The following MAP3K6 variants were observed in gnomAD, a reference collection of about 807,000 sequenced individuals.
MAP3K6 encodes the protein apoptosis signal-regulating kinase 2.
MAP3K6 carries 105 observed loss-of-function variants against 147.1 expected under a neutral mutation model. The observed-to-expected ratio is 0.71, with a 90% CI of 0.61 to 0.84. The LOEUF (loss-of-function observed/expected upper bound fraction) is 0.84. MAP3K6 is among the 40% of genes least tolerant of loss of function. The probability of loss-of-function intolerance (pLI) is 0.00; values close to 1 mark genes in which losing one functional copy is unlikely to be tolerated. For missense variants in MAP3K6, 1,569 were observed against 1,715.0 expected, an observed-to-expected ratio of 0.91 and a Z score of 1.50; for synonymous variants, 695 against 732.4, an observed-to-expected ratio of 0.95 and a Z score of 0.82.
At chr1:27,355,979 G>A (rs759303554) in intron 27 of MAP3K6, 47 bp downstream of exon 27, 3 of 1,557,876 alleles carry the variant, frequency 1.9e-6, no homozygotes, top group Admixed American at 3.3e-5. Flanking sequence ...CAGAGATGGA[G>A]GCTTTGGCTG....
chr1:27,355,706 A>C lies in MAP3K6; in HGVS notation c.3751T>G (p.Tyr1251Asp), dbSNP rs766148863. Residue 1251 changes from tyrosine (Y) to aspartate (D), a missense_variant, in exon 28 of 29, where the codon TAT becomes GAT. Physicochemically the swap from Tyr to Asp is radical, Grantham distance 160. Transcript: ENST00000357582. ...HSFTLHTLLT[Y>D]ATRDDLIYTR... ...TAGATGAGGTCATCTCGAGTGGCAT[A>C]GGTGAGCAGAGTGTGGAGGGTGAAG... is the stretch of plus-strand genomic sequence containing the variant. 7 of 1,611,588 alleles carry C rather than the reference A, an allele frequency of 4.3e-6. No individual in the cohort carries two copies. The East Asian group carries it at 1.3e-4, about 31-fold the overall frequency.
rs2015763929 is a variant in MAP3K6, at chr1:27,361,388, G to A, written c.1694C>T (p.Pro565Leu). ...SLLEPETQDI[P>L]SSWTFPVASI... is the part of the protein sequence containing the mutation. ...GGCGACTGGGAAGGTCCAGCTGGAG[G>A]GAATGTCCTGCAAGAAGAAATGGGG... The change falls in exon 12 of 29, where the codon CCC becomes CTC. Residue 565 changes from proline (P) to leucine (L), a missense_variant. Pro to Leu is a moderately conservative substitution (Grantham distance 98). Coordinates refer to ENST00000357582, the MANE Select transcript of MAP3K6 (RefSeq NM_004672.5). The A allele has an allele frequency of 6.2e-7, 1 of 1,613,738 alleles. No individual in the cohort carries two copies. Among genetic ancestry groups the A allele is most frequent in the Admixed American group, 1.7e-5 (1 of 59,980 alleles).
rs1571060592 is a variant in MAP3K6, at chr1:27,356,718, T to C, written c.3396A>G (p.Ser1132=). The C allele has an allele frequency of 6.3e-7, 1 of 1,586,412 alleles. No homozygotes were observed. The highest frequency in any genetic ancestry group is 2.2e-5 in the East Asian group (1 of 44,632). Residue 1132 remains serine (S), a synonymous_variant, in exon 25 of 29, where the codon TCA becomes TCG. Coordinates refer to ENST00000357582, the MANE Select transcript of MAP3K6 (RefSeq NM_004672.5). Reference sequence around the variant, plus strand: ...AGTCCCCTTCATTACTCAGCTCCTCTGACCTCGGTGAGACCGCCTCCTTCT... The same window carrying C: ...AGTCCCCTTCATTACTCAGCTCCTCCGACCTCGGTGAGACCGCCTCCTTCT... ...EVEKEAVSPR[S]EELSNEGDSQ...
Position 27,357,970 on chromosome 1 carries a change from G to A in MAP3K6, c.2916-94C>T, listed in dbSNP as rs2015598923. 4 of 1,479,098 alleles carry A rather than the reference G, an allele frequency of 2.7e-6. No homozygotes were observed. In the Admixed American group the frequency reaches 9.6e-5, roughly 36 times the overall value. 91.6% of individuals were successfully genotyped at this position (1,479,098 alleles called of 1,614,324 possible). ...TGAATCCTGGCTCTCCTACTTTTAT[G>A]CCTACCTCACAGGCATGAACATAGA... On this transcript the variant is annotated intron_variant, in intron 21 of 28. Transcript: ENST00000357582.
Position 27,360,768 on chromosome 1 carries a change from G to A in MAP3K6, c.1991C>T (p.Ala664Val). Residue 664 changes from alanine to valine, a missense_variant, in exon 15 of 29, where the codon GCG becomes GTG. By Grantham distance (64) the Ala-to-Val change is moderately conservative. Coordinates refer to ENST00000357582, the MANE Select transcript of MAP3K6 (RefSeq NM_004672.5). The surrounding 1 kb of genome is among the most constrained non-coding windows in gnomAD (Gnocchi z 4.5). ...LGKGTYGVVY[A>V]GRDRHTRVRI... ...CACCCTCGTGTGGCGATCGCGGCCC[G>A]CGTACACCACCCCATACGTGCCCTT... 6.2e-7 allele frequency: 1 copy of A among 1,612,662 alleles called. No homozygotes were observed.
intron 21 of MAP3K6, 52 bp from the exon 22 acceptor site, chr1:27,357,928 A>G (rs1247406877): frequency 6.6e-7 from 1 of 1,522,650 alleles, no homozygotes; most frequent in Non-Finnish European, 8.8e-7. Flanking sequence ...CCGGCCAGTC[A>G]CCTCTGTTGC....
Position 27,355,708 on chromosome 1 carries a change from G to C in MAP3K6, c.3749C>G (p.Thr1250Ser). The C allele has an allele frequency of 6.2e-7, 1 of 1,611,986 alleles. No individual in the cohort carries two copies. The highest frequency in any genetic ancestry group is 2.2e-5 in the East Asian group (1 of 44,754). ...NHSFTLHTLL[T>S]YATRDDLIYT... The stretch of plus-strand genomic sequence containing the variant: ...GATGAGGTCATCTCGAGTGGCATAG[G>C]TGAGCAGAGTGTGGAGGGTGAAGCT... Residue 1250 changes from threonine (T) to serine (S), a missense_variant, in exon 28 of 29, where the codon ACC (threonine) becomes AGC (serine). Thr to Ser is a moderately conservative substitution (Grantham distance 58, BLOSUM62 1). Coordinates refer to ENST00000357582, the MANE Select transcript of MAP3K6 (RefSeq NM_004672.5).
At chr1:27,361,303 C>T in intron 12 of MAP3K6, 43 bp downstream of exon 12, 2 of 1,613,756 alleles carry the variant, frequency 1.2e-6, no homozygotes, top group Non-Finnish European at 1.7e-6. Context: ...GGCAGCGACC[C>T]TCACCTCCCG....
Position 27,360,495 on chromosome 1 carries a change from C to G in MAP3K6, c.2055-127G>C. 7.3e-7 allele frequency: 1 copy of G among 1,362,334 alleles called. No homozygotes were observed. Among genetic ancestry groups the G allele is most frequent in the Non-Finnish European group, 9.8e-7 (1 of 1,016,594 alleles). The allele number at this position is 1,362,334 out of a possible 1,614,324, so 84.4% of individuals were successfully genotyped here. A position where few individuals can be genotyped will look rare whatever the true frequency, so the allele number is the denominator to read the frequency against. On this transcript the variant is annotated intron_variant, in intron 15 of 28. Transcript: ENST00000357582. The surrounding 1 kb of genome is among the most constrained non-coding windows in gnomAD (Gnocchi z 4.5). ...CAAGCCCTCTCCGACCTTCCCCACC[C>G]TTACTACCCTGCCCACAGGACCCTC...
At position 27,357,113 on chromosome 1, in the gene MAP3K6, A is replaced by G. The variant is rs1365790231; in HGVS notation, c.3260T>C (p.Val1087Ala). ...HRPLFAFPDA[V>A]KQILRKRQIR... Reference sequence around the variant, plus strand: ...CTGGCGCTTGCGGAGGATCTGCTTCACCTGCAGGGGGAGGGAGGCGCCGCT... The same window carrying G: ...CTGGCGCTTGCGGAGGATCTGCTTCGCCTGCAGGGGGAGGGAGGCGCCGCT... The change falls in exon 24 of 29, where the codon GTG becomes GCG. Residue 1087 changes from valine to alanine, a missense_variant and splice_region_variant. Coordinates refer to ENST00000357582, the MANE Select transcript of MAP3K6 (RefSeq NM_004672.5). The G allele has an allele frequency of 6.2e-7, 1 of 1,613,004 alleles. No individual in the cohort carries two copies. Among genetic ancestry groups the G allele is most frequent in the South Asian group, 1.1e-5 (1 of 91,060 alleles).
At chr1:27,362,018 T>C in intron 9 of MAP3K6, 73 bp downstream of exon 9, 1 of 1,548,018 alleles carries the variant, frequency 6.5e-7, no homozygotes, top group South Asian at 1.2e-5. Flanking sequence ...GGGTTCAGTC[T>C]AGCATGCCAA....
At position 27,358,447 on chromosome 1, in the gene MAP3K6, G is replaced by T. The variant is rs781369595; in HGVS notation, c.2748C>A (p.Ser916Arg). The T allele has an allele frequency of 6.3e-7, 1 of 1,595,552 alleles. No homozygotes were observed. Among genetic ancestry groups the T allele is most frequent in the Non-Finnish European group, 8.5e-7 (1 of 1,174,540 alleles). Reference sequence around the variant, plus strand: ...AGGGCCGTGGAGCATGTCGTGGGGAGCTGGGGCTGCGGCTCCTTTTCCCAG... The same window carrying T: ...AGGGCCGTGGAGCATGTCGTGGGGATCTGGGGCTGCGGCTCCTTTTCCCAG... Reference protein sequence around the residue: ...LQPGKRSRSPSSPRHAPRPSD... With the variant: ...LQPGKRSRSPRSPRHAPRPSD... The change falls in exon 20 of 29, where the codon AGC becomes AGA. Residue 916 changes from serine (S) to arginine (R), a missense_variant. Ser to Arg is a moderately radical substitution (Grantham distance 110, BLOSUM62 -1). Coordinates refer to ENST00000357582, the MANE Select transcript of MAP3K6 (RefSeq NM_004672.5). This position sits in a 1 kb window ranked among gnomAD's most constrained non-coding sequence, Gnocchi z 6.2.
Position 27,360,716 on chromosome 1 carries a change from C to T in MAP3K6, c.2043G>A (p.Glu681=). The change falls in exon 15 of 29, where the codon GAG becomes GAA. Residue 681 remains glutamate, a synonymous_variant. Transcript: ENST00000357582. The surrounding 1 kb of genome is among the most constrained non-coding windows in gnomAD (Gnocchi z 4.5). ...RVRIAIKEIP[E]RDSRFSQPLH... is the part of the protein sequence containing the mutation. Reference sequence around the variant, plus strand: ...GCCACGCACCGCACCTGCTGTCCCGCTCCGGGATCTCCTTGATGGCGATGC... The same window carrying T: ...GCCACGCACCGCACCTGCTGTCCCGTTCCGGGATCTCCTTGATGGCGATGC... 1.2e-6 allele frequency: 2 copies of T among 1,611,928 alleles called. No individual in the cohort carries two copies. Among genetic ancestry groups the T allele is most frequent in the Middle Eastern group, 1.6e-4 (1 of 6,062 alleles).
rs1212321835 is a variant in MAP3K6 at position 27,364,793 on chromosome 1, G to C, written c.460C>G (p.Pro154Ala). 3 of 1,613,794 alleles carry C rather than the reference G, an allele frequency of 1.9e-6. No individual in the cohort carries two copies. Among genetic ancestry groups the C allele is most frequent in the Non-Finnish European group, 2.5e-6 (3 of 1,179,700 alleles). The stretch of plus-strand genomic sequence containing the variant: ...CCTACCCGCAGGGCCTGCAGGTCAG[G>C]GAGGTCGGCCTGGGAGCAGAGGAGC... The part of the protein sequence containing the change: ...NVLLCSQADL[P>A]DLQALREDVF... The change falls in exon 2 of 29, where the codon CCT becomes GCT. Residue 154 changes from proline (P) to alanine (A), a missense_variant. Physicochemically the swap from Pro to Ala is conservative, Grantham distance 27. Coordinates refer to ENST00000357582, the MANE Select transcript of MAP3K6 (RefSeq NM_004672.5). This position sits in a 1 kb window ranked among gnomAD's most constrained non-coding sequence, Gnocchi z 4.4.
Position 27,359,589 on chromosome 1 carries a change from G to C in MAP3K6, c.2320-67C>G. The C allele has an allele frequency of 6.2e-7, 1 of 1,601,072 alleles. No individual in the cohort carries two copies. Among genetic ancestry groups the C allele is most frequent in the East Asian group, 2.2e-5 (1 of 44,448 alleles). ...CAGCAGAAGTAGACCCTCTTTCTGG[G>C]ATCCCATCTCCTGGAGATCCCAGCC... On this transcript the variant is annotated intron_variant, in intron 17 of 28. Transcript: ENST00000357582. The surrounding 1 kb of genome is among the most constrained non-coding windows in gnomAD (Gnocchi z 4.4).
intron 8 of MAP3K6, 101 bp from the exon 9 acceptor site, chr1:27,362,351 T>C: frequency 8.1e-7 from 1 of 1,232,672 alleles, no homozygotes; most frequent in South Asian, 1.5e-5. Flanking sequence ...TAGATATGAG[T>C]ATGGCATTGA....
chr1:27,355,494 C>G, intron 28 of MAP3K6, 25 bp from the exon 29 acceptor site: 1 of 1,612,956 alleles, frequency 6.2e-7, no homozygotes, highest in South Asian at 1.1e-5. Context: ...CTCAGTGTGG[C>G]TCAGCCAGAA....
At chr1:27,365,925 G>A (rs1329135847) in intron 1 of MAP3K6, among the ~76,000 whole-genome samples, 1 of 146,276 alleles carries the variant, frequency 6.8e-6, no homozygotes, top group Admixed American at 6.8e-5. Context: ...ACAGCCCCGC[G>A]CCGCTCCCCG....
chr1:27,364,643 G>A lies in MAP3K6; in HGVS notation c.504+18C>T. The A allele has an allele frequency of 6.2e-7, 1 of 1,614,194 alleles. No homozygotes were observed. Among genetic ancestry groups the A allele is most frequent in the Non-Finnish European group, 8.5e-7 (1 of 1,180,018 alleles). Reference sequence around the variant, plus strand: ...GAAGTCAAAGGGCACTTTTGAGTGAGAGGTGGATTCTGCTCACCGAGTTCT... The same window carrying A: ...GAAGTCAAAGGGCACTTTTGAGTGAAAGGTGGATTCTGCTCACCGAGTTCT... On this transcript the variant is annotated intron_variant, in intron 3 of 28. Transcript: ENST00000357582. This position sits in a 1 kb window ranked among gnomAD's most constrained non-coding sequence, Gnocchi z 4.4.
Sources: allele counts gnomAD v4.1 joint callset (sites outside exome capture counted in the v4.1 genomes callset), GRCh38; gene constraint gnomAD v4.1.1; non-coding constraint Gnocchi (gnomAD v3.1); transcripts MANE v1.5; gene names NCBI Gene and HGNC (gene_info 2026-07-23, HGNC 2026-07-21).